Variants in GABRA3 observed in about 807,000 individuals in gnomAD.
The protein encoded by GABRA3 is gamma-aminobutyric acid receptor subunit alpha-3.
In GABRA3, 10 loss-of-function variants were observed where a neutral mutation model predicts 30.1. That is an observed-to-expected ratio of 0.33 (90% CI 0.20 to 0.56). The LOEUF (loss-of-function observed/expected upper bound fraction) is 0.56. Among genes scored for constraint, GABRA3 ranks in the 20% least tolerant of loss-of-function variants. The probability of loss-of-function intolerance (pLI) is 0.89; values close to 1 mark genes in which losing one functional copy is unlikely to be tolerated. For synonymous variants in GABRA3, 151 were observed against 146.8 expected (o/e 1.03, Z -0.21); for missense variants, 233 against 392.0 (o/e 0.59, Z 3.42).
In GABRA3 at chrX:152,207,046, T is replaced by A. The variant is rs146466706; in HGVS notation, c.778+955A>T. On this transcript the variant is annotated intron_variant, in intron 7 of 9. Transcript: ENST00000370314. ...AGCCTTTCCCCACACTAATTCTAGA[T>A]CTCTAAATCCTGTTTGTCCTTCAAT... is the stretch of plus-strand genomic sequence containing the variant. 4.1e-3 allele frequency among the ~76,000 whole-genome samples: 462 copies of A among 112,047 alleles called. 2 individuals carry two copies. In the Middle Eastern group the frequency reaches 0.069, roughly 17 times the overall value.
At chrX:152,258,586 C>A (rs1368146557) in intron 4 of GABRA3, among the ~76,000 whole-genome samples, 1 of 111,377 alleles carries the variant, frequency 9.0e-6, no homozygotes, top group Non-Finnish European at 1.9e-5. Flanking sequence ...TAATGAATTG[C>A]AAGCTCAATA....
intron 5 of GABRA3, among the ~76,000 whole-genome samples, chrX:152,252,748 C>T (rs988882880): frequency 2.7e-5 from 3 of 111,294 alleles, no homozygotes; most frequent in Non-Finnish European, 1.9e-5. Context: ...TTCTCACTCA[C>T]ACTACCTCTG....
intron 9 of GABRA3, among the ~76,000 whole-genome samples, chrX:152,173,591 C>T (rs1321242801): frequency 9.1e-6 from 1 of 110,137 alleles, no homozygotes; most frequent in Non-Finnish European, 1.9e-5. Context: ...GGATTACAGG[C>T]ATGTGCCACC....
At chrX:152,333,929 G>A (rs1040762442) in intron 3 of GABRA3, among the ~76,000 whole-genome samples, 2 of 111,052 alleles carry the variant, frequency 1.8e-5, no homozygotes, top group African/African-American at 6.5e-5. Context: ...AAATTTGAAA[G>A]GCCATGAATA....
intron 4 of GABRA3, among the ~76,000 whole-genome samples, chrX:152,274,661 C>T (rs1330197432): frequency 9.1e-6 from 1 of 109,848 alleles, no homozygotes; most frequent in African/African-American, 3.3e-5. Flanking sequence ...TAAAGTGGTG[C>T]TTGGAGGGAA....
At chrX:152,335,659 T>C (rs1428212931) in intron 3 of GABRA3, among the ~76,000 whole-genome samples, 1 of 112,095 alleles carries the variant, frequency 8.9e-6, no homozygotes, top group African/African-American at 3.2e-5. Flanking sequence ...GCAGTTGTGT[T>C]ACCTGGATAT....
intron 6 of GABRA3, among the ~76,000 whole-genome samples, chrX:152,209,366 T>C (rs954505505): frequency 9.0e-6 from 1 of 111,359 alleles, no homozygotes; most frequent in Non-Finnish European, 1.9e-5. Flanking sequence ...CCACCGTGGA[T>C]TTTATATCTA....
chrX:152,314,943 A>G (rs1340812395), intron 3 of GABRA3, among the ~76,000 whole-genome samples: 1 of 111,575 alleles, frequency 9.0e-6, no homozygotes, highest in Middle Eastern at 4.2e-3. Flanking sequence ...TGGTAATCAA[A>G]AAATGTGTTG....
chrX:152,341,695 A>AC (rs777473229), intron 3 of GABRA3, among the ~76,000 whole-genome samples: 118 of 104,017 alleles, frequency 1.1e-3, no homozygotes, highest in Non-Finnish European at 2.1e-3. Flanking sequence ...ACACACCACT[A>AC]CCCCCCGCTA....
chrX:152,233,277 T>C (rs745491396), intron 5 of GABRA3, among the ~76,000 whole-genome samples: 2 of 111,017 alleles, frequency 1.8e-5, no homozygotes, highest in African/African-American at 3.3e-5. Flanking sequence ...ACTCTGATGG[T>C]AGTTTCTTTT....
At chrX:152,332,463 T>G (rs903940239) in intron 3 of GABRA3, among the ~76,000 whole-genome samples, 2 of 112,487 alleles carry the variant, frequency 1.8e-5, no homozygotes, top group African/African-American at 6.5e-5. Flanking sequence ...AGCACTTTCT[T>G]TCCCAGTACT....
chrX:152,354,460 A>G (rs756116716), intron 2 of GABRA3, among the ~76,000 whole-genome samples: 1 of 112,075 alleles, frequency 8.9e-6, no homozygotes, highest in South Asian at 3.7e-4. Flanking sequence ...TCGAATCTCA[A>G]AAAAATGGCT....
At chrX:152,434,826 A>T (rs1930736326) in intron 1 of GABRA3, among the ~76,000 whole-genome samples, 1 of 111,815 alleles carries the variant, frequency 8.9e-6, no homozygotes, top group Non-Finnish European at 1.9e-5. Context: ...AAAATTCAAG[A>T]TCATCAGCAT....
chrX:152,277,264 G>GTTT (rs56972693), intron 4 of GABRA3, among the ~76,000 whole-genome samples: 1 of 106,422 alleles, frequency 9.4e-6, no homozygotes, highest in African/African-American at 3.4e-5. Context: ...TTAATTAACA[G>GTTT]TTTTTTTTTT....
At chrX:152,307,931 G>A (rs1256944184) in intron 3 of GABRA3, among the ~76,000 whole-genome samples, 2 of 112,374 alleles carry the variant, frequency 1.8e-5, no homozygotes, top group Non-Finnish European at 3.8e-5. Context: ...AGCACAGAGG[G>A]TTTGGCGTGA....
chrX:152,367,603 A>T (rs1263717365), intron 1 of GABRA3, among the ~76,000 whole-genome samples: 3 of 111,655 alleles, frequency 2.7e-5, no homozygotes, highest in African/African-American at 9.8e-5. Context: ...GTTCCAGGAG[A>T]TAACACATAT....
intron 5 of GABRA3, among the ~76,000 whole-genome samples, chrX:152,254,949 G>T (rs1350116038): frequency 8.9e-6 from 1 of 111,851 alleles, no homozygotes; most frequent in East Asian, 2.8e-4. Flanking sequence ...ATTGGGGAAA[G>T]AATCTTATTG....
chrX:152,383,362 C>A (rs1929197694), intron 1 of GABRA3, among the ~76,000 whole-genome samples: 1 of 90,899 alleles, frequency 1.1e-5, no homozygotes, highest in Non-Finnish European at 2.1e-5. Flanking sequence ...GCACTCCAGC[C>A]TGGGTGACAG....
intron 3 of GABRA3, among the ~76,000 whole-genome samples, chrX:152,290,985 T>A (rs1476006634): frequency 4.5e-5 from 5 of 111,912 alleles, no homozygotes; most frequent in Non-Finnish European, 9.4e-5. Context: ...TAGGATTATC[T>A]TGGCAATGTG....
Sources: allele counts gnomAD v4.1 joint callset (sites outside exome capture counted in the v4.1 genomes callset), GRCh38; gene constraint gnomAD v4.1.1; transcripts MANE v1.5; gene names NCBI Gene and HGNC (gene_info 2026-07-23, HGNC 2026-07-21).